The following KCNIP4 variants were observed in gnomAD, a reference collection of about 807,000 sequenced individuals.
KCNIP4 encodes the protein Kv channel-interacting protein 4.
Under a neutral mutation model 34.0 loss-of-function variants are expected in KCNIP4, and 12 were observed. That is an observed-to-expected ratio of 0.35 (90% confidence interval 0.23 to 0.57). The LOEUF (loss-of-function observed/expected upper bound fraction) is 0.57, where lower values mean the gene tolerates loss of function less well. Among genes scored for constraint, KCNIP4 ranks in the 20% least tolerant of loss-of-function variants. KCNIP4 has a pLI of 0.83. For missense variants in KCNIP4, 238 were observed against 311.7 expected (o/e 0.76, Z 1.78); for synonymous variants, 124 against 102.2 (o/e 1.21, Z -1.29).
At chr4:20,972,746 G>T (rs947210156) in intron 1 of KCNIP4, among the ~76,000 whole-genome samples, 1 of 152,118 alleles carries the variant, frequency 6.6e-6, no homozygotes, top group Non-Finnish European at 1.5e-5. Flanking sequence ...AAGGGGACCC[G>T]AGCAAGTTGC....
At chr4:20,768,101 C>G (rs556003629) in intron 3 of KCNIP4, among the ~76,000 whole-genome samples, 55 of 152,308 alleles carry the variant, frequency 3.6e-4, no homozygotes, top group Non-Finnish European at 5.9e-4. Flanking sequence ...CTGATATCAC[C>G]AGATTCTGTG....
rs1264725705 is a variant in KCNIP4, at chr4:21,379,456, A to G, written c.62-496747T>C. On this transcript the variant is annotated intron_variant, in intron 1 of 8. Coordinates refer to ENST00000382152, the MANE Select transcript of KCNIP4 (RefSeq NM_025221.6). ...TGCCACTAACCTATTTGAAATCCTC[A>G]CGTGGCTTTGCCTCTCTTTCACTCA... 3.9e-5 allele frequency among the ~76,000 whole-genome samples: 6 copies of G among 152,282 alleles called. No homozygotes were observed. In the East Asian group the frequency reaches 1.2e-3, roughly 29 times the overall value.
At position 21,766,694 on chromosome 4, in the gene KCNIP4, A is replaced by G. The variant is rs535082233; in HGVS notation, c.61+181877T>C. 3.0e-4 allele frequency among the ~76,000 whole-genome samples: 46 copies of G among 152,292 alleles called. 1 individual carries two copies. In the South Asian group the frequency reaches 4.8e-3, roughly 16 times the overall value. On this transcript the variant is annotated intron_variant, in intron 1 of 8. Transcript: ENST00000382152. The stretch of plus-strand genomic sequence containing the variant: ...GATTATTATTATCATCTCATTTTAT[A>G]TACGAGGCAGGGAGGGCCCTAATTA...
chr4:21,432,863 C>G (rs1726612668), intron 1 of KCNIP4, among the ~76,000 whole-genome samples: 1 of 152,098 alleles, frequency 6.6e-6, no homozygotes. Context: ...CAGTTATAAT[C>G]AGGCTGATTT....
intron 3 of KCNIP4, among the ~76,000 whole-genome samples, chr4:20,824,071 C>G (rs979849795): frequency 2.0e-5 from 3 of 152,170 alleles, no homozygotes; most frequent in African/African-American, 7.2e-5. Flanking sequence ...ATAATGGTAT[C>G]TACCTCATAG....
At chr4:21,111,101 T>C (rs1215064685) in intron 1 of KCNIP4, among the ~76,000 whole-genome samples, 1 of 152,224 alleles carries the variant, frequency 6.6e-6, no homozygotes, top group Non-Finnish European at 1.5e-5. Context: ...GGTCTGTGCT[T>C]CATTGAAGTT....
intron 1 of KCNIP4, among the ~76,000 whole-genome samples, chr4:21,379,900 C>T (rs1721325894): frequency 6.6e-6 from 1 of 151,288 alleles, no homozygotes; most frequent in Non-Finnish European, 1.5e-5. Flanking sequence ...ACTTCCCCAC[C>T]ATATTAGTGC....
intron 1 of KCNIP4, among the ~76,000 whole-genome samples, chr4:21,454,181 A>C (rs1728736564): frequency 6.6e-6 from 1 of 152,076 alleles, no homozygotes; most frequent in Non-Finnish European, 1.5e-5. Flanking sequence ...TCAACAATTG[A>C]AGACGTGTCC....
chr4:21,925,812 C>T (rs1318760771), intron 1 of KCNIP4, among the ~76,000 whole-genome samples: 3 of 152,094 alleles, frequency 2.0e-5, no homozygotes, highest in Non-Finnish European at 4.4e-5. Flanking sequence ...GACTGGTGAT[C>T]CCAGCAAATT....
intron 1 of KCNIP4, among the ~76,000 whole-genome samples, chr4:21,260,191 G>T (rs1379072653): frequency 6.6e-6 from 1 of 152,078 alleles, no homozygotes; most frequent in East Asian, 1.9e-4. Flanking sequence ...GGCTTTAAGC[G>T]GCTATGCCTT....
intron 3 of KCNIP4, among the ~76,000 whole-genome samples, chr4:20,815,933 C>T (rs935023141): frequency 3.3e-5 from 5 of 152,120 alleles, no homozygotes; most frequent in African/African-American, 1.2e-4. Context: ...ATGGATAGCT[C>T]TGTCCAGTGA....
intron 3 of KCNIP4, among the ~76,000 whole-genome samples, chr4:20,771,227 A>G (rs1375824957): frequency 6.6e-6 from 1 of 152,146 alleles, no homozygotes; most frequent in East Asian, 1.9e-4. Context: ...ATGGTTGTAT[A>G]AAGCCTTTTT....
At chr4:21,293,192 G>T (rs1191191073) in intron 1 of KCNIP4, among the ~76,000 whole-genome samples, 1 of 152,158 alleles carries the variant, frequency 6.6e-6, no homozygotes, top group Non-Finnish European at 1.5e-5. Flanking sequence ...TACATTCATA[G>T]GATATATTAA....
Position 21,748,088 on chromosome 4 carries a change from G to A in KCNIP4, c.61+200483C>T, listed in dbSNP as rs374508280. Among the ~76,000 whole-genome samples, 35 of 152,248 alleles carry A rather than the reference G, an allele frequency of 2.3e-4. 2 individuals carry two copies. The East Asian group carries it at 4.6e-3, about 20-fold the overall frequency. On this transcript the variant is annotated intron_variant, in intron 1 of 8. Coordinates refer to ENST00000382152, the MANE Select transcript of KCNIP4 (RefSeq NM_025221.6). ...ATGTCTAATCTGGAGAACTGTGAGA[G>A]CATAAATTTCTGTTGTTTTAAGTAA...
chr4:21,691,268 T>C (rs1181080137), intron 1 of KCNIP4, among the ~76,000 whole-genome samples: 1 of 152,122 alleles, frequency 6.6e-6, no homozygotes, highest in African/African-American at 2.4e-5. Context: ...GACCAGCATT[T>C]TTTTCTTCCC....
chr4:21,148,931 T>A (rs918755258), intron 1 of KCNIP4, among the ~76,000 whole-genome samples: 4 of 152,224 alleles, frequency 2.6e-5, no homozygotes, highest in Non-Finnish European at 5.9e-5. Flanking sequence ...AAATGTGAAT[T>A]AAATTGGCTT....
chr4:20,883,643 G>A (rs1170014501), intron 1 of KCNIP4, among the ~76,000 whole-genome samples: 3 of 151,884 alleles, frequency 2.0e-5, no homozygotes, highest in East Asian at 1.9e-4. Flanking sequence ...AATTTAAATC[G>A]AGGTTCTACC....
intron 1 of KCNIP4, among the ~76,000 whole-genome samples, chr4:21,055,324 G>C (rs1743306261): frequency 6.6e-6 from 1 of 152,092 alleles, no homozygotes; most frequent in African/African-American, 2.4e-5. Flanking sequence ...TGTTGAAAAA[G>C]GCAAAATGGT....
chr4:21,761,906 G>A (rs938791284), intron 1 of KCNIP4, among the ~76,000 whole-genome samples: 2 of 152,036 alleles, frequency 1.3e-5, no homozygotes, highest in African/African-American at 4.8e-5. Context: ...GGATAATTAT[G>A]ATAACATCCA....
Sources: gnomAD v4.1 joint callset for allele counts (sites outside exome capture counted in the v4.1 genomes callset) on GRCh38, gnomAD v4.1.1 for gene constraint, MANE v1.5 for transcripts, NCBI Gene and HGNC (gene_info 2026-07-23, HGNC 2026-07-21) for gene names.